Variants in LAMA2 observed in about 807,000 individuals in gnomAD.
The protein encoded by LAMA2 is laminin subunit alpha 2.
LAMA2 carries 269 observed loss-of-function variants against 364.8 expected under a neutral mutation model. The observed-to-expected ratio is 0.74, with a 90% CI of 0.67 to 0.82. LAMA2 has a LOEUF of 0.82. LAMA2 is among the 40% of genes least tolerant of loss of function. The pLI is 0.00. For synonymous variants in LAMA2, 1,379 were observed against 1,370.6 expected, an observed-to-expected ratio of 1.01 and a Z score of -0.14; for missense variants, 3,807 against 3,873.2, an observed-to-expected ratio of 0.98 and a Z score of 0.45.
chr6:128,942,765 T>C (rs1444252681), intron 1 of LAMA2, among the ~76,000 whole-genome samples: 1 of 152,232 alleles, frequency 6.6e-6, no homozygotes, highest in African/African-American at 2.4e-5. Context: ...TTGTAGAGCA[T>C]GCTGGGAAGT....
intron 61 of LAMA2, among the ~76,000 whole-genome samples, chr6:129,505,706 A>G (rs1357621218): frequency 2.0e-5 from 3 of 151,672 alleles, no homozygotes; most frequent in African/African-American, 7.3e-5. Flanking sequence ...GACGGGGTGT[A>G]CTTTTAATAG....
intron 1 of LAMA2, among the ~76,000 whole-genome samples, chr6:128,932,695 G>A (rs1254185007): frequency 3.3e-5 from 5 of 152,126 alleles, no homozygotes; most frequent in African/African-American, 2.4e-5. Flanking sequence ...TAGATTTATA[G>A]AGGTATAATT....
At chr6:129,270,805 A>T in intron 17 of LAMA2, 54 bp downstream of exon 17, 2 of 1,566,156 alleles carry the variant, frequency 1.3e-6, no homozygotes, top group Non-Finnish European at 1.8e-6. Context: ...CTGCAAGTAC[A>T]CTTTTCATAG....
At chr6:129,216,664 A>G (rs1410253446) in intron 12 of LAMA2, among the ~76,000 whole-genome samples, 1 of 152,118 alleles carries the variant, frequency 6.6e-6, no homozygotes, top group Admixed American at 6.5e-5. Context: ...CTTTTTATTA[A>G]TATGGTGGAT....
chr6:129,090,265 C>G (rs1774737256), intron 3 of LAMA2, among the ~76,000 whole-genome samples: 1 of 152,152 alleles, frequency 6.6e-6, no homozygotes, highest in African/African-American at 2.4e-5. Flanking sequence ...CATCCACATC[C>G]TACTCCACCC....
At chr6:129,032,956 A>G (rs759383920) in intron 1 of LAMA2, among the ~76,000 whole-genome samples, 1 of 152,190 alleles carries the variant, frequency 6.6e-6, no homozygotes, top group Non-Finnish European at 1.5e-5. Context: ...AGAACGCTGA[A>G]AACCACGAAC....
At chr6:129,111,049 T>A in intron 4 of LAMA2, among the ~76,000 whole-genome samples, 1 of 152,024 alleles carries the variant, frequency 6.6e-6, no homozygotes, top group Non-Finnish European at 1.5e-5. Flanking sequence ...AGAGCTATCA[T>A]CAAAAGTCCT....
intron 20 of LAMA2, among the ~76,000 whole-genome samples, chr6:129,297,156 T>C (rs1773235725): frequency 6.6e-6 from 1 of 152,198 alleles, no homozygotes; most frequent in Non-Finnish European, 1.5e-5. Flanking sequence ...ATATTTATAA[T>C]GTGAACACTA....
At chr6:128,956,974 A>G (rs1781195002) in intron 1 of LAMA2, among the ~76,000 whole-genome samples, 1 of 152,040 alleles carries the variant, frequency 6.6e-6, no homozygotes, top group South Asian at 2.1e-4. Flanking sequence ...TAAAGGTTAT[A>G]CTCTCATTCT....
intron 3 of LAMA2, among the ~76,000 whole-genome samples, chr6:129,069,538 C>T (rs2114815428): frequency 6.7e-6 from 1 of 148,932 alleles, no homozygotes; most frequent in South Asian, 2.1e-4. Context: ...CTAAAAACCC[C>T]ATGCACAGAG....
intron 1 of LAMA2, among the ~76,000 whole-genome samples, chr6:128,910,195 T>C (rs1257110061): frequency 2.6e-5 from 4 of 152,228 alleles, no homozygotes; most frequent in African/African-American, 2.4e-5. Flanking sequence ...CCTTGCTAGA[T>C]TGGGGAAGTT....
At chr6:128,994,606 G>A (rs1360392869) in intron 1 of LAMA2, among the ~76,000 whole-genome samples, 1 of 152,054 alleles carries the variant, frequency 6.6e-6, no homozygotes, top group Admixed American at 6.6e-5. Flanking sequence ...TTTTAAAATA[G>A]CTTGTATCAC....
chr6:128,975,575 T>C (rs1342492886), intron 1 of LAMA2, among the ~76,000 whole-genome samples: 1 of 152,152 alleles, frequency 6.6e-6, no homozygotes, highest in Non-Finnish European at 1.5e-5. Flanking sequence ...TCATCTTGAA[T>C]TGCAGTTCCC....
chr6:128,926,844 A>G (rs547507661), intron 1 of LAMA2, among the ~76,000 whole-genome samples: 1 of 152,198 alleles, frequency 6.6e-6, no homozygotes, highest in South Asian at 2.1e-4. Flanking sequence ...ATAACGTTGT[A>G]GTATTATTGG....
At chr6:128,934,104 G>C (rs1384189557) in intron 1 of LAMA2, among the ~76,000 whole-genome samples, 1 of 152,094 alleles carries the variant, frequency 6.6e-6, no homozygotes, top group African/African-American at 2.4e-5. Flanking sequence ...ATTTTCAGTT[G>C]ATTTTTGTAT....
At chr6:129,282,917 T>C (rs1003215581) in intron 18 of LAMA2, among the ~76,000 whole-genome samples, 1 of 152,100 alleles carries the variant, frequency 6.6e-6, no homozygotes, top group South Asian at 2.1e-4. Flanking sequence ...TCAAATCCCT[T>C]CATTCAAACA....
rs772463361 is a variant in LAMA2, at chr6:129,516,344, C to CTAAT, written c.9367_*1dup. The CTAAT allele has an allele frequency of 3.8e-5, 62 of 1,613,678 alleles. No individual in the cohort carries two copies. In the Admixed American group the frequency reaches 9.5e-4, roughly 25 times the overall value. On this transcript the variant is annotated frameshift_variant and stop_retained_variant, in exon 65 of 65. Transcript: ENST00000421865. LOFTEE classifies it high-confidence loss of function. The stretch of plus-strand genomic sequence containing the variant: ...TTCAACCTGTATCATGCCCAGCCAA[C>CTAAT]TAATAAAAATAAGTGTAACCCCAGG...
intron 1 of LAMA2, among the ~76,000 whole-genome samples, chr6:129,006,557 C>G (rs910213979): frequency 6.6e-6 from 1 of 152,158 alleles, no homozygotes; most frequent in Non-Finnish European, 1.5e-5. Flanking sequence ...CCACCAACTC[C>G]TGCAGGTGCT....
At chr6:129,183,212 T>C (rs1237031268) in intron 10 of LAMA2, among the ~76,000 whole-genome samples, 1 of 152,022 alleles carries the variant, frequency 6.6e-6, no homozygotes, top group African/African-American at 2.4e-5. Flanking sequence ...AAGTGCTGTC[T>C]GACTCTCAGT....
Sources: gnomAD v4.1 joint callset for allele counts (sites outside exome capture counted in the v4.1 genomes callset) on GRCh38, gnomAD v4.1.1 for gene constraint, MANE v1.5 for transcripts, NCBI Gene and HGNC (gene_info 2026-07-23, HGNC 2026-07-21) for gene names.